RORA: variants seen among roughly 807,000 people sequenced by gnomAD.
The protein encoded by RORA is RAR related orphan receptor A.
In RORA, 7 loss-of-function variants were observed where a neutral mutation model predicts 69.5. The observed-to-expected ratio is 0.10, with a 90% CI of 0.06 to 0.19. RORA has a LOEUF of 0.19. Among genes scored for constraint, RORA ranks in the 10% least tolerant of loss-of-function variants. The probability of loss-of-function intolerance (pLI) is 1.00; values close to 1 mark genes in which losing one functional copy is unlikely to be tolerated. For missense variants in RORA, 457 were observed against 663.0 expected (o/e 0.69, Z 3.41); for synonymous variants, 261 against 240.8 (o/e 1.08, Z -0.78).
At chr15:61,041,952 G>C (rs1385202648) in intron 1 of RORA, among the ~76,000 whole-genome samples, 3 of 152,182 alleles carry the variant, frequency 2.0e-5, no homozygotes, top group African/African-American at 7.2e-5. Context: ...CAAACACAGA[G>C]AGGTTAAATA....
At chr15:60,916,679 A>G (rs115850030) in intron 1 of RORA, among the ~76,000 whole-genome samples, 99 of 152,302 alleles carry the variant, frequency 6.5e-4, no homozygotes, top group African/African-American at 2.3e-3. Flanking sequence ...AGAAAAGGTG[A>G]TAGGTGAGTA....
At chr15:60,705,719 T>C (rs921978212) in intron 1 of RORA, among the ~76,000 whole-genome samples, 7 of 152,138 alleles carry the variant, frequency 4.6e-5, no homozygotes, top group Non-Finnish European at 1.0e-4. Context: ...TTTTTTATTA[T>C]TAAAATTTTT....
At chr15:60,538,900 C>A (rs538392538) in intron 2 of RORA, among the ~76,000 whole-genome samples, 1 of 152,136 alleles carries the variant, frequency 6.6e-6, no homozygotes, top group East Asian at 1.9e-4. Context: ...AAACAAGCCA[C>A]TTCTCAAAAA....
chr15:60,995,139 A>C (rs1444127937), intron 1 of RORA, among the ~76,000 whole-genome samples: 1 of 152,226 alleles, frequency 6.6e-6, no homozygotes, highest in Admixed American at 6.5e-5. Context: ...GGGGCAGAGA[A>C]TAGGGAAATG....
Position 61,103,918 on chromosome 15 carries a change from G to A in RORA, c.166+125135C>T, listed in dbSNP as rs544542470. Among the ~76,000 whole-genome samples, 61 of 152,270 alleles carry A rather than the reference G, an allele frequency of 4.0e-4. 1 individual carries two copies. Among genetic ancestry groups the A allele is most frequent in the South Asian group, 1.5e-3 (7 of 4,818 alleles). ...CAGCAACAAACTCACTGAATCAGAG[G>A]GAAGTAGCAGGGGCTTCTTCCCCTC... is the stretch of plus-strand genomic sequence containing the variant. On this transcript the variant is annotated intron_variant, in intron 1 of 10. Transcript: ENST00000335670.
In RORA at chr15:60,495,682, A is replaced by G. The variant is rs1282517312; in HGVS notation, c.*1773T>C. ...CATGGAAACTCCTACCTTAACACCCATCGGAGATGTTCCCTTTTCTGTACA... is the reference window on the plus strand; with the variant it reads ...CATGGAAACTCCTACCTTAACACCCGTCGGAGATGTTCCCTTTTCTGTACA... On this transcript the variant is annotated 3_prime_UTR_variant, in exon 11 of 11. Transcript: ENST00000335670. The G allele has an allele frequency of 1.3e-5, 2 of 152,160 alleles. No individual in the cohort carries two copies. The highest frequency in any genetic ancestry group is 2.9e-5 in the Non-Finnish European group (2 of 68,028). 9.4% of individuals were successfully genotyped at this position (152,160 alleles called of 1,614,324 possible).
chr15:60,610,106 G>A (rs1446807345), intron 2 of RORA, among the ~76,000 whole-genome samples: 1 of 151,844 alleles, frequency 6.6e-6, no homozygotes, highest in Admixed American at 6.6e-5. Context: ...GAGACCTTAA[G>A]GAAGGGCAAC....
intron 1 of RORA, among the ~76,000 whole-genome samples, chr15:60,806,171 G>T (rs2072657438): frequency 6.6e-6 from 1 of 152,192 alleles, no homozygotes; most frequent in East Asian, 1.9e-4. Flanking sequence ...CCCTGCTTTT[G>T]ATTTCTTGTT....
intron 1 of RORA, among the ~76,000 whole-genome samples, chr15:60,682,824 G>A (rs1881689600): frequency 6.6e-6 from 1 of 152,066 alleles, no homozygotes; most frequent in African/African-American, 2.4e-5. Flanking sequence ...AACAGACCAC[G>A]AGCAGGGTAA....
chr15:61,142,718 T>C (rs2079311445), intron 1 of RORA, among the ~76,000 whole-genome samples: 2 of 152,188 alleles, frequency 1.3e-5, no homozygotes, highest in Admixed American at 1.3e-4. Flanking sequence ...AACTTTTACC[T>C]CTGTCATTCA....
intron 1 of RORA, among the ~76,000 whole-genome samples, chr15:60,912,199 C>T (rs1371187691): frequency 6.6e-6 from 1 of 151,874 alleles, no homozygotes; most frequent in East Asian, 2.0e-4. Context: ...TTGCTTGAGG[C>T]CAGGAGTTTC....
chr15:61,014,373 A>C (rs1007824984), intron 1 of RORA, among the ~76,000 whole-genome samples: 9 of 152,252 alleles, frequency 5.9e-5, no homozygotes, highest in African/African-American at 2.2e-4. Context: ...TGTCCTTGAC[A>C]GAGAGACACT....
At chr15:60,876,312 G>C (rs76839969) in intron 1 of RORA, among the ~76,000 whole-genome samples, 1 of 4,294 alleles carries the variant, frequency 2.3e-4, no homozygotes, top group African/African-American at 9.8e-4. Flanking sequence ...TACAGGAAGT[G>C]GGGGGGGGGG....
At chr15:60,564,710 C>T (rs909406846) in intron 2 of RORA, among the ~76,000 whole-genome samples, 1 of 152,080 alleles carries the variant, frequency 6.6e-6, no homozygotes, top group South Asian at 2.1e-4. Flanking sequence ...AAGTTTATCA[C>T]TCAGATATAT....
chr15:61,124,638 T>C (rs1321370390), intron 1 of RORA, among the ~76,000 whole-genome samples: 2 of 152,244 alleles, frequency 1.3e-5, no homozygotes, highest in African/African-American at 4.8e-5. Flanking sequence ...TGTTTTATTT[T>C]TTTCCCAGCA....
At chr15:60,793,987 T>C (rs1340051577) in intron 1 of RORA, among the ~76,000 whole-genome samples, 1 of 152,220 alleles carries the variant, frequency 6.6e-6, no homozygotes, top group African/African-American at 2.4e-5. Context: ...TTTGAGGACC[T>C]GGGTCCCAGC....
intron 1 of RORA, among the ~76,000 whole-genome samples, chr15:61,173,902 T>C (rs2079606140): frequency 6.6e-6 from 1 of 152,216 alleles, no homozygotes; most frequent in Admixed American, 6.5e-5. Flanking sequence ...GTCCTTCCTA[T>C]CTTTTCAGAT....
intron 1 of RORA, among the ~76,000 whole-genome samples, chr15:60,975,942 G>A (rs1370153966): frequency 6.6e-6 from 1 of 152,194 alleles, no homozygotes; most frequent in African/African-American, 2.4e-5. Flanking sequence ...TTTCTTGGGA[G>A]GGGACCTTTC....
intron 1 of RORA, among the ~76,000 whole-genome samples, chr15:60,960,066 G>T (rs1223468455): frequency 6.6e-6 from 1 of 151,994 alleles, no homozygotes; most frequent in African/African-American, 2.4e-5. Context: ...TGTGTGTGTG[G>T]AATGAGGAAA....
Sources: gnomAD v4.1 joint callset for allele counts (sites outside exome capture counted in the v4.1 genomes callset) on GRCh38, gnomAD v4.1.1 for gene constraint, MANE v1.5 for transcripts, NCBI Gene and HGNC (gene_info 2026-07-23, HGNC 2026-07-21) for gene names.